The following CSE1L variants were observed in gnomAD, a reference collection of about 807,000 sequenced individuals.
CSE1L encodes the protein chromosome segregation 1 like.
CSE1L carries 24 observed loss-of-function variants against 120.4 expected under a neutral mutation model. That is an observed-to-expected ratio of 0.20 (90% CI 0.14 to 0.28). CSE1L has a LOEUF of 0.28. Ranked by LOEUF, CSE1L falls within the 10% of genes least tolerant of loss-of-function variation. The pLI, the probability that CSE1L is intolerant of heterozygous loss-of-function variation, is 1.00. For missense variants in CSE1L, 830 were observed against 1,145.2 expected (o/e 0.72, Z 3.97); for synonymous variants, 402 against 398.3 (o/e 1.01, Z -0.11).
intron 1 of CSE1L, among the ~76,000 whole-genome samples, chr20:49,050,223 T>A (rs1211856068): frequency 6.6e-6 from 1 of 150,852 alleles, no homozygotes; most frequent in East Asian, 1.9e-4. Context: ...TTATTTTATT[T>A]TATTTTATTT....
intron 3 of CSE1L, among the ~76,000 whole-genome samples, chr20:49,065,612 T>TTTTTTTTTTA (rs1388898035): frequency 2.1e-5 from 3 of 140,416 alleles, no homozygotes; most frequent in Non-Finnish European, 3.1e-5. Flanking sequence ...TTTTTTTTTT[T>TTTTTTTTTTA]GAGACAGAGT....
At chr20:49,080,545 C>G (rs886226274) in intron 14 of CSE1L, among the ~76,000 whole-genome samples, 1 of 152,080 alleles carries the variant, frequency 6.6e-6, no homozygotes, top group African/African-American at 2.4e-5. Context: ...GGAACGATCT[C>G]GGCTCACCGC....
chr20:49,094,509 C>T (rs1188041203), intron 23 of CSE1L, among the ~76,000 whole-genome samples: 4 of 152,086 alleles, frequency 2.6e-5, no homozygotes, highest in Non-Finnish European at 5.9e-5. Flanking sequence ...AGAGTCTGAT[C>T]TAGGTGATCT....
intron 12 of CSE1L, 47 bp downstream of exon 12, chr20:49,075,567 C>T (rs184905858): frequency 3.4e-6 from 5 of 1,462,970 alleles, no homozygotes; most frequent in Admixed American, 3.4e-5. Context: ...ACATCAGTGA[C>T]ACCCACACAA....
At chr20:49,085,712 C>T (rs1197640699) in intron 16 of CSE1L, among the ~76,000 whole-genome samples, 1 of 151,604 alleles carries the variant, frequency 6.6e-6, no homozygotes, top group Non-Finnish European at 1.5e-5. Flanking sequence ...ACTGGGATTA[C>T]AGGTGCACTC....
At chr20:49,090,648 C>T (rs1275923073) in intron 19 of CSE1L, 94 bp from the exon 20 acceptor site, 9 of 886,760 alleles carry the variant, frequency 1.0e-5, no homozygotes, top group Non-Finnish European at 1.7e-5. Flanking sequence ...TAGATTATTA[C>T]AGTATGAACT....
intron 2 of CSE1L, among the ~76,000 whole-genome samples, chr20:49,061,094 A>G (rs1025745045): frequency 1.3e-5 from 2 of 152,194 alleles, no homozygotes; most frequent in Non-Finnish European, 2.9e-5. Context: ...GTTCCTGGAT[A>G]AAGGGAAGTT....
rs138443752 is a variant in CSE1L at position 49,053,071 on chromosome 20, A to T, written c.-11-5382A>T. 1.0e-3 allele frequency among the ~76,000 whole-genome samples: 158 copies of T among 151,810 alleles called. 4 individuals are homozygous for T. The East Asian group carries it at 0.028, about 27-fold the overall frequency. On this transcript the variant is annotated intron_variant, in intron 1 of 24. Coordinates refer to ENST00000262982, the MANE Select transcript of CSE1L (RefSeq NM_001316.4). ...ATGCCTGTAGTCCCAGCTATTCCAG[A>T]GGCTGAGGCAGGAGGATTGTTTGAG... is the stretch of plus-strand genomic sequence containing the variant.
chr20:49,095,608 C>G (rs1173508967), intron 24 of CSE1L, among the ~76,000 whole-genome samples: 1 of 152,092 alleles, frequency 6.6e-6, no homozygotes, highest in African/African-American at 2.4e-5. Context: ...AGCCTGGACA[C>G]AGTTATTTTT....
At chr20:49,056,577 T>G (rs189830313) in intron 1 of CSE1L, among the ~76,000 whole-genome samples, 210 of 152,274 alleles carry the variant, frequency 1.4e-3, no homozygotes, top group Non-Finnish European at 2.1e-3. Context: ...AATTTTATCG[T>G]CTCACCAACA....
chr20:49,062,224 A>C (rs1213002312), intron 2 of CSE1L, among the ~76,000 whole-genome samples: 1 of 152,222 alleles, frequency 6.6e-6, no homozygotes, highest in Non-Finnish European at 1.5e-5. Context: ...AACATTTTTC[A>C]GTTTAACAAT....
At chr20:49,049,315 C>G (rs2091746968) in intron 1 of CSE1L, among the ~76,000 whole-genome samples, 1 of 151,842 alleles carries the variant, frequency 6.6e-6, no homozygotes, top group Non-Finnish European at 1.5e-5. Flanking sequence ...TCCCGAGTAG[C>G]TAGGACTACA....
chr20:49,074,994 C>T (rs2091959481), intron 11 of CSE1L, 144 bp downstream of exon 11: 2 of 624,424 alleles, frequency 3.2e-6, no homozygotes, highest in Admixed American at 3.5e-5. Flanking sequence ...CTTTCTTCAA[C>T]TTGTCTTAAA....
chr20:49,083,906 A>G, intron 14 of CSE1L, 120 bp from the exon 15 acceptor site: 2 of 1,032,054 alleles, frequency 1.9e-6, no homozygotes, highest in South Asian at 3.4e-5. Flanking sequence ...ATCTCCTATT[A>G]TAACAGAGCT....
At chr20:49,081,701 A>C (rs1274182379) in intron 14 of CSE1L, among the ~76,000 whole-genome samples, 1 of 152,124 alleles carries the variant, frequency 6.6e-6, no homozygotes, top group Non-Finnish European at 1.5e-5. Flanking sequence ...TTTTTAGAGA[A>C]CGTGTAGTTT....
At chr20:49,074,946 GA>G in intron 11 of CSE1L, 96 bp downstream of exon 11, 1 of 896,814 alleles carries the variant, frequency 1.1e-6, no homozygotes, top group Non-Finnish European at 1.7e-6. Context: ...TTGAGAATAA[GA>G]GTGTTTTTTC....
intron 19 of CSE1L, 82 bp from the exon 20 acceptor site, chr20:49,090,660 T>G (rs1600550079): frequency 2.0e-6 from 2 of 1,019,122 alleles, no homozygotes; most frequent in Admixed American, 3.7e-5. Flanking sequence ...GTATGAACTC[T>G]GTTTTAAGAC....
Position 49,057,454 on chromosome 20 carries a change from CTTTTT to C in CSE1L, c.-11-985_-11-981del, listed in dbSNP as rs535693108. Among the ~76,000 whole-genome samples, 115 of 112,760 alleles carry C rather than the reference CTTTTT, an allele frequency of 1.0e-3. 2 individuals are homozygous for C. The highest frequency in any genetic ancestry group is 9.1e-5 in the Non-Finnish European group (5 of 54,844). 74.0% of individuals were successfully genotyped at this position (112,760 alleles called of 152,430 possible). ...AAATTTTAATTTCTCGTTGTGGGGC[CTTTTT>C]TTTTTTTTTTTTTAAGACAGGTCTT... On this transcript the variant is annotated intron_variant, in intron 1 of 24. Coordinates refer to ENST00000262982, the MANE Select transcript of CSE1L (RefSeq NM_001316.4).
At chr20:49,055,830 A>G (rs1256873710) in intron 1 of CSE1L, among the ~76,000 whole-genome samples, 1 of 152,202 alleles carries the variant, frequency 6.6e-6, no homozygotes, top group Non-Finnish European at 1.5e-5. Context: ...TATCACCGAG[A>G]TGTTATCACT....
Sources: allele counts gnomAD v4.1 joint callset (sites outside exome capture counted in the v4.1 genomes callset), GRCh38; gene constraint gnomAD v4.1.1; transcripts MANE v1.5; gene names NCBI Gene and HGNC (gene_info 2026-07-23, HGNC 2026-07-21).